Variants in TMEM272 observed in about 807,000 individuals in gnomAD.
TMEM272 encodes the protein long intergenic non-protein coding RNA 282.
A neutral mutation model predicts 3.7 loss-of-function variants in TMEM272; 8 were observed. That is an observed-to-expected ratio of 2.17 (90% CI 1.27 to 3.91). TMEM272 has a LOEUF of 3.91. TMEM272 is among the 30% of genes most tolerant of loss of function. The pLI, the probability that TMEM272 is intolerant of heterozygous loss-of-function variation, is 0.00. For synonymous variants in TMEM272, 63 were observed against 39.8 expected, an observed-to-expected ratio of 1.58 and a Z score of -2.20; for missense variants, 166 against 91.5, an observed-to-expected ratio of 1.81 and a Z score of -3.32.
the TMEM272 span, among the ~76,000 whole-genome samples, chr13:51,903,695 T>C: frequency 1.3e-5 from 2 of 152,174 alleles, no homozygotes; most frequent in Non-Finnish European, 2.9e-5. Context: ...CAGAGTGCTA[T>C]TTCCAGACTT....
At chr13:51,895,724 T>A in the TMEM272 span, among the ~76,000 whole-genome samples, 1 of 151,826 alleles carries the variant, frequency 6.6e-6, no homozygotes, top group Admixed American at 6.6e-5. Context: ...GGGGAAAAAA[T>A]AAAACAGCTG....
At chr13:51,922,622 T>C in the TMEM272 span, among the ~76,000 whole-genome samples, 2 of 152,178 alleles carry the variant, frequency 1.3e-5, no homozygotes, top group East Asian at 3.9e-4. Flanking sequence ...AACAAACTAC[T>C]GCAAACTTCA....
the TMEM272 span, among the ~76,000 whole-genome samples, chr13:51,918,645 GAAC>G: frequency 6.6e-6 from 1 of 151,700 alleles, no homozygotes; most frequent in African/African-American, 2.4e-5. Flanking sequence ...TTAGTCTTTG[GAAC>G]AACGTCTTGC....
chr13:51,834,983 G>C (rs1224078160), intron 2 of TMEM272, among the ~76,000 whole-genome samples: 1 of 152,130 alleles, frequency 6.6e-6, no homozygotes, highest in Non-Finnish European at 1.5e-5. Flanking sequence ...GGGGAGGCTG[G>C]GAGCCAGGGC....
At chr13:51,909,595 A>G in the TMEM272 span, 25 of 1,233,804 alleles carry the variant, frequency 2.0e-5, no homozygotes, top group Non-Finnish European at 2.9e-5. Flanking sequence ...GGTTTTATCA[A>G]CTTCAGATAA....
chr13:51,833,057 T>G (rs769729925), intron 2 of TMEM272, among the ~76,000 whole-genome samples: 4 of 152,120 alleles, frequency 2.6e-5, no homozygotes, highest in Non-Finnish European at 5.9e-5. Flanking sequence ...ATATTGGTAC[T>G]GGGTGTTGAT....
chr13:51,852,833 C>T, the TMEM272 span, among the ~76,000 whole-genome samples: 1 of 149,758 alleles, frequency 6.7e-6, no homozygotes, highest in Non-Finnish European at 1.5e-5. Context: ...GAGCCAAGAT[C>T]GCGCCATTGC....
chr13:51,852,272 A>C, the TMEM272 span, among the ~76,000 whole-genome samples: 1 of 152,232 alleles, frequency 6.6e-6, no homozygotes, highest in Non-Finnish European at 1.5e-5. Flanking sequence ...TCATATATTT[A>C]AGAGCCATTT....
rs1489096323 is a variant in TMEM272 at position 51,816,134 on chromosome 13, T to G, written c.*617A>C. On this transcript the variant is annotated 3_prime_UTR_variant, in exon 5 of 5. Transcript: ENST00000629372. ...CTATGTGGAAGCTACTGCTTTGACG[T>G]TGTTAGATTTTATAGCTGACCTTGG... 1.3e-5 allele frequency: 2 copies of G among 153,018 alleles called. No homozygotes were observed. The highest frequency in any genetic ancestry group is 6.5e-5 in the Admixed American group (1 of 15,392). 9.5% of individuals were successfully genotyped at this position (153,018 alleles called of 1,614,324 possible). A position where few individuals can be genotyped will look rare whatever the true frequency, so the allele number is the denominator to read the frequency against.
At chr13:51,826,685 C>T in intron 2 of TMEM272, 60 bp from the exon 3 acceptor site, 1 of 701,450 alleles carries the variant, frequency 1.4e-6, no homozygotes, top group South Asian at 1.5e-5. Context: ...TGCATTTCCT[C>T]TTCACTGCAG....
At chr13:51,892,281 G>A in the TMEM272 span, among the ~76,000 whole-genome samples, 2 of 152,156 alleles carry the variant, frequency 1.3e-5, no homozygotes, top group Non-Finnish European at 1.5e-5. Context: ...TATGTTTATC[G>A]AAGCCTGGAA....
chr13:51,882,362 A>G, the TMEM272 span, among the ~76,000 whole-genome samples: 20 of 152,246 alleles, frequency 1.3e-4, no homozygotes, highest in Admixed American at 5.2e-4. Context: ...ATCCCCAGGT[A>G]TAAGCTTGTT....
the TMEM272 span, among the ~76,000 whole-genome samples, chr13:51,905,663 A>G: frequency 2.6e-5 from 4 of 152,222 alleles, no homozygotes; most frequent in Admixed American, 6.5e-5. Context: ...CCCTGTAAAA[A>G]TGGTAGAATA....
the TMEM272 span, among the ~76,000 whole-genome samples, chr13:51,869,641 C>T: frequency 2.0e-5 from 3 of 152,070 alleles, no homozygotes. Flanking sequence ...AGGCACCTGC[C>T]GCCATGCCCG....
At chr13:51,870,937 T>A in the TMEM272 span, among the ~76,000 whole-genome samples, 1 of 152,172 alleles carries the variant, frequency 6.6e-6, no homozygotes, top group East Asian at 1.9e-4. Flanking sequence ...GTCCTTAAAC[T>A]GCAGATATCA....
the TMEM272 span, chr13:51,908,120 T>A: frequency 2.0e-6 from 1 of 488,292 alleles, no homozygotes. Flanking sequence ...TTGTTTCAAT[T>A]TGAGCAAAAG....
chr13:51,908,759 T>C, the TMEM272 span: 4 of 1,462,502 alleles, frequency 2.7e-6, no homozygotes, highest in Non-Finnish European at 1.9e-6. Flanking sequence ...AAAATCTGTC[T>C]TGCCTTTGTG....
the TMEM272 span, among the ~76,000 whole-genome samples, chr13:51,860,947 C>T: frequency 6.6e-6 from 1 of 151,316 alleles, no homozygotes; most frequent in Non-Finnish European, 1.5e-5. Context: ...GACTAGGGGT[C>T]CACTGACAGA....
At chr13:51,926,520 G>A in the TMEM272 span, among the ~76,000 whole-genome samples, 3 of 151,086 alleles carry the variant, frequency 2.0e-5, no homozygotes, top group South Asian at 6.3e-4. Flanking sequence ...GGAAAGCCCT[G>A]GAGCATTAGA....
Sources: gnomAD v4.1 joint callset for allele counts (sites outside exome capture counted in the v4.1 genomes callset) on GRCh38, gnomAD v4.1.1 for gene constraint, MANE v1.5 for transcripts, NCBI Gene and HGNC (gene_info 2026-07-23, HGNC 2026-07-21) for gene names.